The following ASCC3 variants were observed in gnomAD, a reference collection of about 807,000 sequenced individuals.
The protein encoded by ASCC3 is ASC-1 complex subunit P200.
Under a neutral mutation model 256.3 loss-of-function variants are expected in ASCC3, and 158 were observed. The ratio of observed to expected loss-of-function variants is 0.62; its 90% CI spans 0.54 to 0.70. ASCC3 has a LOEUF of 0.70. Among genes scored for constraint, ASCC3 ranks in the 30% least tolerant of loss-of-function variants. The pLI, the probability that ASCC3 is intolerant of heterozygous loss-of-function variation, is 0.00. For synonymous variants in ASCC3, 948 were observed against 883.4 expected, an observed-to-expected ratio of 1.07 and a Z score of -1.30; for missense variants, 2,259 against 2,626.0, an observed-to-expected ratio of 0.86 and a Z score of 3.05.
At chr6:100,856,426 A>G in intron 3 of ASCC3, 10 of 980,974 alleles carry the variant, frequency 1.0e-5, no homozygotes, top group Non-Finnish European at 1.1e-5. Context: ...AGCATGTGTT[A>G]CTTATCAATC....
rs556369872 is a variant in ASCC3, at chr6:100,575,266, T to C, written c.5550+14368A>G. Among the ~76,000 whole-genome samples, 121 of 152,252 alleles carry C rather than the reference T, an allele frequency of 7.9e-4. 1 individual carries two copies. The highest frequency in any genetic ancestry group is 2.7e-3 in the African/African-American group (112 of 41,560). ...AATGCTATTCATAACTGGCTTGTCC[T>C]TTTTATTTAGTTTTAAATTTCTCCC... On this transcript the variant is annotated intron_variant, in intron 36 of 41. Coordinates refer to ENST00000369162, the MANE Select transcript of ASCC3 (RefSeq NM_006828.4).
At chr6:100,644,714 A>G (rs574116037) in intron 22 of ASCC3, among the ~76,000 whole-genome samples, 6 of 152,166 alleles carry the variant, frequency 3.9e-5, no homozygotes, top group Admixed American at 6.5e-5. Flanking sequence ...TTTGATTGGC[A>G]TAAGTCAATC....
chr6:100,621,428 G>A (rs866430728), intron 30 of ASCC3, among the ~76,000 whole-genome samples: 14 of 152,128 alleles, frequency 9.2e-5, no homozygotes, highest in Middle Eastern at 3.4e-3. Flanking sequence ...GTGGGCAAAG[G>A]ATATGAACAG....
intron 36 of ASCC3, among the ~76,000 whole-genome samples, chr6:100,554,347 A>G (rs1013733510): frequency 2.0e-5 from 3 of 152,096 alleles, no homozygotes; most frequent in African/African-American, 7.2e-5. Flanking sequence ...ACACGACCAG[A>G]ATGGATTTGT....
At chr6:100,631,715 T>C (rs1417788716) in intron 25 of ASCC3, among the ~76,000 whole-genome samples, 1 of 151,936 alleles carries the variant, frequency 6.6e-6, no homozygotes, top group Non-Finnish European at 1.5e-5. Context: ...GCAGATTTTA[T>C]GAAGATGCTA....
chr6:100,753,402 C>T (rs560093125), intron 10 of ASCC3, among the ~76,000 whole-genome samples: 214 of 150,606 alleles, frequency 1.4e-3, no homozygotes, highest in African/African-American at 4.9e-3. Flanking sequence ...ACTTTAGCAT[C>T]CAATGAAAAA....
chr6:100,867,214 T>TAG (rs1162332452), intron 2 of ASCC3, among the ~76,000 whole-genome samples: 1 of 152,110 alleles, frequency 6.6e-6, no homozygotes, highest in Non-Finnish European at 1.5e-5. Context: ...CCTGTATTTG[T>TAG]AGGAAGGGTA....
chr6:100,646,648 G>C lies in ASCC3; in HGVS notation c.3600C>G (p.Leu1200=). The change falls in exon 22 of 42, where the codon CTC becomes CTG. Residue 1200 remains leucine, a synonymous_variant. Coordinates refer to ENST00000369162, the MANE Select transcript of ASCC3 (RefSeq NM_006828.4). The part of the protein sequence containing the change: ...PITRTVLRVT[L]SIYADFTWND... Reference sequence around the variant, plus strand: ...TCCAAGTGAAATCAGCATAGATGCTGAGTGTCACTCGGAGGACAGTCCTTG... The same window carrying C: ...TCCAAGTGAAATCAGCATAGATGCTCAGTGTCACTCGGAGGACAGTCCTTG... The C allele has an allele frequency of 6.2e-7, 1 of 1,614,084 alleles. No individual in the cohort carries two copies. Among genetic ancestry groups the C allele is most frequent in the Non-Finnish European group, 8.5e-7 (1 of 1,179,984 alleles).
rs367944780 is a variant in ASCC3 at position 100,830,571 on chromosome 6, C to T, written c.801+17577G>A. Among the ~76,000 whole-genome samples the T allele has an allele frequency of 3.3e-5, 5 of 152,224 alleles. No individual in the cohort carries two copies. The East Asian group carries it at 7.7e-4, about 24-fold the overall frequency. On this transcript the variant is annotated intron_variant, in intron 4 of 41. Coordinates refer to ENST00000369162, the MANE Select transcript of ASCC3 (RefSeq NM_006828.4). Reference sequence around the variant, plus strand: ...TTGTGTTGCCTTGTGGGAATTGGGGCTCCTGGAACAGATACAAATGCTGAT... The same window carrying T: ...TTGTGTTGCCTTGTGGGAATTGGGGTTCCTGGAACAGATACAAATGCTGAT...
chr6:100,521,740 A>G (rs1774321147), intron 37 of ASCC3, among the ~76,000 whole-genome samples: 1 of 152,236 alleles, frequency 6.6e-6, no homozygotes, highest in South Asian at 2.1e-4. Flanking sequence ...GGCAAGCCCA[A>G]GTGACTGTTC....
At chr6:100,853,420 CTTTTTT>C (rs11299576) in intron 3 of ASCC3, among the ~76,000 whole-genome samples, 2 of 127,666 alleles carry the variant, frequency 1.6e-5, no homozygotes, top group African/African-American at 2.9e-5. Context: ...ATAAATATTC[CTTTTTT>C]TTTTTTTTTT....
At chr6:100,592,133 A>G (rs1453004800) in intron 34 of ASCC3, among the ~76,000 whole-genome samples, 1 of 149,890 alleles carries the variant, frequency 6.7e-6, no homozygotes, top group Non-Finnish European at 1.5e-5. Flanking sequence ...CATTTAAAGT[A>G]AGTCACCAAA....
intron 3 of ASCC3, among the ~76,000 whole-genome samples, chr6:100,860,860 T>C (rs1773191282): frequency 1.3e-5 from 2 of 152,070 alleles, no homozygotes; most frequent in South Asian, 4.1e-4. Flanking sequence ...TGTGATTCAA[T>C]GGCAAAGAGA....
intron 13 of ASCC3, among the ~76,000 whole-genome samples, chr6:100,688,972 A>G (rs557422153): frequency 1.3e-5 from 2 of 152,324 alleles, no homozygotes; most frequent in East Asian, 3.9e-4. Flanking sequence ...AAAGTTCTTC[A>G]TTATTGGCCC....
At chr6:100,516,987 C>T (rs913069715) in intron 38 of ASCC3, among the ~76,000 whole-genome samples, 1 of 151,990 alleles carries the variant, frequency 6.6e-6, no homozygotes, top group Non-Finnish European at 1.5e-5. Flanking sequence ...ACTCCCATAA[C>T]TTTTATACCA....
At chr6:100,684,768 T>C (rs946611402) in intron 13 of ASCC3, among the ~76,000 whole-genome samples, 1 of 151,110 alleles carries the variant, frequency 6.6e-6, no homozygotes, top group Non-Finnish European at 1.5e-5. Context: ...AAAAAATCGG[T>C]AGGAATATTT....
chr6:100,530,201 T>C, intron 37 of ASCC3: 2 of 692,962 alleles, frequency 2.9e-6, no homozygotes, highest in East Asian at 2.5e-5. Flanking sequence ...ATCATTTTTC[T>C]TGTAGTCTTT....
At chr6:100,528,968 C>A (rs1343765821) in intron 37 of ASCC3, among the ~76,000 whole-genome samples, 1 of 152,098 alleles carries the variant, frequency 6.6e-6, no homozygotes, top group Non-Finnish European at 1.5e-5. Context: ...GGCAAGGAAC[C>A]TCTGAGATTG....
intron 4 of ASCC3, among the ~76,000 whole-genome samples, chr6:100,842,337 C>T (rs1772183382): frequency 6.6e-6 from 1 of 152,156 alleles, no homozygotes; most frequent in African/African-American, 2.4e-5. Context: ...AAGTGTGAGC[C>T]AGAATCTCTA....
Sources: gnomAD v4.1 joint callset for allele counts (sites outside exome capture counted in the v4.1 genomes callset) on GRCh38, gnomAD v4.1.1 for gene constraint, MANE v1.5 for transcripts, NCBI Gene and HGNC (gene_info 2026-07-23, HGNC 2026-07-21) for gene names.